The following GALNT13 variants were observed in gnomAD, a reference collection of about 807,000 sequenced individuals.
GALNT13 encodes polypeptide N-acetylgalactosaminyltransferase 13.
A neutral mutation model predicts 64.2 loss-of-function variants in GALNT13; 28 were observed. The ratio of observed to expected loss-of-function variants is 0.44; its 90% CI spans 0.32 to 0.60. The LOEUF is 0.60. Ranked by LOEUF, GALNT13 falls within the 20% of genes least tolerant of loss-of-function variation. The pLI, the probability that GALNT13 is intolerant of heterozygous loss-of-function variation, is 0.05. For missense variants in GALNT13, 577 were observed against 669.8 expected (o/e 0.86, Z 1.53); for synonymous variants, 214 against 224.6 (o/e 0.95, Z 0.42).
intron 4 of GALNT13, among the ~76,000 whole-genome samples, chr2:154,142,753 A>G (rs1683332551): frequency 6.6e-6 from 1 of 151,774 alleles, no homozygotes; most frequent in Non-Finnish European, 1.5e-5. Context: ...GAATAGTTCA[A>G]CATTTAATAT....
chr2:153,977,168 C>T (rs568188638), intron 3 of GALNT13, among the ~76,000 whole-genome samples: 3 of 152,256 alleles, frequency 2.0e-5, no homozygotes, highest in East Asian at 1.9e-4. Context: ...TTTCCATCAA[C>T]TGCCTCTCAA....
chr2:154,097,344 AT>A (rs1470085212), intron 3 of GALNT13, among the ~76,000 whole-genome samples: 1 of 152,078 alleles, frequency 6.6e-6, no homozygotes, highest in Non-Finnish European at 1.5e-5. Context: ...CAGAAATGCT[AT>A]TACAGGTTAA....
chr2:153,683,712 T>C, the GALNT13 span, among the ~76,000 whole-genome samples: 1 of 151,724 alleles, frequency 6.6e-6, no homozygotes, highest in Non-Finnish European at 1.5e-5. Context: ...AGGCTCTCTC[T>C]GCCCCTGGAT....
At chr2:154,082,620 C>T (rs1478673674) in intron 3 of GALNT13, among the ~76,000 whole-genome samples, 1 of 151,622 alleles carries the variant, frequency 6.6e-6, no homozygotes, top group East Asian at 1.9e-4. Context: ...GGAGAAAGAG[C>T]AGACTTTCTT....
chr2:153,409,440 G>A, the GALNT13 span, among the ~76,000 whole-genome samples: 2 of 149,130 alleles, frequency 1.3e-5, no homozygotes, highest in African/African-American at 4.9e-5. Flanking sequence ...TACAGATTTT[G>A]GTAGCCTGTA....
the GALNT13 span, among the ~76,000 whole-genome samples, chr2:153,277,520 A>G: frequency 4.9e-4 from 75 of 152,300 alleles, 1 homozygote; most frequent in South Asian, 0.015. Flanking sequence ...AAACATACAA[A>G]TGAATTTCTT....
intron 4 of GALNT13, among the ~76,000 whole-genome samples, chr2:154,219,417 C>G (rs1688210931): frequency 6.6e-6 from 1 of 152,064 alleles, no homozygotes; most frequent in African/African-American, 2.4e-5. Flanking sequence ...CTTTTAATCT[C>G]CTTACCTTTC....
the GALNT13 span, among the ~76,000 whole-genome samples, chr2:153,176,805 A>T: frequency 6.6e-6 from 1 of 151,674 alleles, no homozygotes; most frequent in Middle Eastern, 3.4e-3. Context: ...TATCTTTAAG[A>T]CAGTAAGACT....
intron 1 of GALNT13, among the ~76,000 whole-genome samples, chr2:153,898,293 A>C (rs895630297): frequency 6.6e-6 from 1 of 152,168 alleles, no homozygotes; most frequent in Non-Finnish European, 1.5e-5. Flanking sequence ...ATATGTGAAC[A>C]GTTTCAGATT....
At chr2:153,122,487 C>T in the GALNT13 span, among the ~76,000 whole-genome samples, 1 of 152,200 alleles carries the variant, frequency 6.6e-6, no homozygotes, top group Non-Finnish European at 1.5e-5. Flanking sequence ...TTCAGATTTA[C>T]ATCCTTTGAT....
At chr2:153,567,928 T>A in the GALNT13 span, among the ~76,000 whole-genome samples, 1 of 152,240 alleles carries the variant, frequency 6.6e-6, no homozygotes, top group South Asian at 2.1e-4. Context: ...GCACGTACAT[T>A]AAGCTTACTT....
the GALNT13 span, among the ~76,000 whole-genome samples, chr2:153,126,688 C>T: frequency 6.6e-6 from 1 of 152,050 alleles, no homozygotes; most frequent in Non-Finnish European, 1.5e-5. Flanking sequence ...GTCAGGCCCT[C>T]TAGAGACTTG....
the GALNT13 span, among the ~76,000 whole-genome samples, chr2:153,638,085 G>A: frequency 6.6e-6 from 1 of 150,974 alleles, no homozygotes; most frequent in South Asian, 2.1e-4. Flanking sequence ...ACTGGAAAGG[G>A]CATTCCAAGA....
chr2:153,420,724 CT>C, the GALNT13 span: 2 of 228,878 alleles, frequency 8.7e-6, no homozygotes. Context: ...TCCTCATAAT[CT>C]TTTTCAAGGG....
intron 5 of GALNT13, 74 bp from the exon 6 acceptor site, chr2:154,242,624 A>G: frequency 2.2e-6 from 2 of 924,970 alleles, no homozygotes; most frequent in Non-Finnish European, 1.7e-6. Flanking sequence ...TTGAATTTCC[A>G]TCTTGGTAGT....
At chr2:153,795,258 T>G in the GALNT13 span, among the ~76,000 whole-genome samples, 30 of 152,350 alleles carry the variant, frequency 2.0e-4, 1 homozygote, top group African/African-American at 6.7e-4. Context: ...TTAGTTTGAT[T>G]GGAAATCTGC....
chr2:153,580,074 T>G, the GALNT13 span, among the ~76,000 whole-genome samples: 2 of 152,156 alleles, frequency 1.3e-5, no homozygotes, highest in African/African-American at 2.4e-5. Flanking sequence ...AAAAAAAGTT[T>G]CCATGAGAGT....
intron 7 of GALNT13, among the ~76,000 whole-genome samples, chr2:154,252,540 T>C (rs1413384355): frequency 6.6e-6 from 1 of 151,692 alleles, no homozygotes; most frequent in Non-Finnish European, 1.5e-5. Flanking sequence ...GTATTTTTAA[T>C]AGAGACTGGG....
the GALNT13 span, among the ~76,000 whole-genome samples, chr2:153,483,065 C>A: frequency 2.0e-5 from 3 of 152,032 alleles, no homozygotes; most frequent in East Asian, 5.8e-4. Context: ...AATGGTTGAC[C>A]TTGGTGAGTA....
Sources: gnomAD v4.1 joint callset for allele counts (sites outside exome capture counted in the v4.1 genomes callset) on GRCh38, gnomAD v4.1.1 for gene constraint, MANE v1.5 for transcripts, NCBI Gene and HGNC (gene_info 2026-07-23, HGNC 2026-07-21) for gene names.